The following LOC128462377 variants were observed in gnomAD, a reference collection of about 807,000 sequenced individuals.
the LOC128462377 span, among the ~76,000 whole-genome samples, chr16:89,371,760 T>G: frequency 6.6e-6 from 1 of 152,114 alleles, no homozygotes; most frequent in Non-Finnish European, 1.5e-5. Context: ...CCCCTCAGGA[T>G]GACGGAGAGG....
At chr16:89,405,425 G>A in the LOC128462377 span, among the ~76,000 whole-genome samples, 4 of 151,834 alleles carry the variant, frequency 2.6e-5, no homozygotes, top group Non-Finnish European at 5.9e-5. Context: ...CTGGGCTCAG[G>A]CGATCCTCCC....
chr16:89,369,441 G>A, the LOC128462377 span, among the ~76,000 whole-genome samples: 4 of 152,154 alleles, frequency 2.6e-5, no homozygotes, highest in Non-Finnish European at 5.9e-5. Flanking sequence ...GCGCCTCCAC[G>A]GCACCAAGCT....
the LOC128462377 span, among the ~76,000 whole-genome samples, chr16:89,397,336 T>A: frequency 2.0e-5 from 3 of 152,224 alleles, no homozygotes; most frequent in Non-Finnish European, 4.4e-5. Flanking sequence ...GATTCCACCG[T>A]AAGTGCTGTC....
the LOC128462377 span, among the ~76,000 whole-genome samples, chr16:89,387,260 G>C: frequency 2.0e-5 from 3 of 152,032 alleles, no homozygotes; most frequent in Non-Finnish European, 4.4e-5. Flanking sequence ...TCAAGGGAGA[G>C]GCCTGAATGG....
chr16:89,329,722 C>A, the LOC128462377 span, among the ~76,000 whole-genome samples: 1 of 152,194 alleles, frequency 6.6e-6, no homozygotes, highest in Admixed American at 6.5e-5. Flanking sequence ...TCATTTAAAA[C>A]ATTAAATATA....
chr16:89,320,509 AGCACCTGGCCCTGACCG>A, the LOC128462377 span, among the ~76,000 whole-genome samples: 27 of 152,208 alleles, frequency 1.8e-4, no homozygotes, highest in Non-Finnish European at 2.6e-4. Context: ...GGGGCCGGCC[AGCACCTGGCCCTGACCG>A]CCCCCAGGCC....
At chr16:89,321,001 T>A in the LOC128462377 span, 1 of 152,348 alleles carries the variant, frequency 6.6e-6, no homozygotes, top group South Asian at 2.1e-4. Context: ...TGACAGATGC[T>A]GTCAAGACCG....
At chr16:89,386,122 TAA>T in the LOC128462377 span, among the ~76,000 whole-genome samples, 1 of 152,218 alleles carries the variant, frequency 6.6e-6, no homozygotes, top group Admixed American at 6.5e-5. Flanking sequence ...CGTTTTTAAG[TAA>T]AGTCATTACA....
the LOC128462377 span, among the ~76,000 whole-genome samples, chr16:89,319,303 C>A: frequency 6.6e-6 from 1 of 152,228 alleles, no homozygotes; most frequent in Non-Finnish European, 1.5e-5. Context: ...CTCTTCATGT[C>A]CCTAGCTTGG....
At chr16:89,332,874 CT>C in the LOC128462377 span, among the ~76,000 whole-genome samples, 2 of 152,334 alleles carry the variant, frequency 1.3e-5, no homozygotes, top group East Asian at 3.9e-4. Flanking sequence ...TTTATTACTC[CT>C]TAGGGCTGCT....
At chr16:89,406,938 G>A in the LOC128462377 span, among the ~76,000 whole-genome samples, 1 of 152,214 alleles carries the variant, frequency 6.6e-6, no homozygotes, top group African/African-American at 2.4e-5. Flanking sequence ...CAGCACTTTG[G>A]GAGGCCAGGG....
At chr16:89,405,483 C>T in the LOC128462377 span, among the ~76,000 whole-genome samples, 2 of 151,244 alleles carry the variant, frequency 1.3e-5, no homozygotes, top group Non-Finnish European at 2.9e-5. Flanking sequence ...TGCCACCACA[C>T]CTGGCTCATT....
the LOC128462377 span, among the ~76,000 whole-genome samples, chr16:89,333,101 G>C: frequency 6.6e-6 from 1 of 152,218 alleles, no homozygotes; most frequent in African/African-American, 2.4e-5. Context: ...CCTGGTGTGA[G>C]GTCACAGACT....
chr16:89,397,915 C>T, the LOC128462377 span, among the ~76,000 whole-genome samples: 4 of 152,232 alleles, frequency 2.6e-5, no homozygotes, highest in East Asian at 3.9e-4. Flanking sequence ...GCAGGTGCCT[C>T]GGGTGGCAAC....
At chr16:89,361,979 G>C in the LOC128462377 span, among the ~76,000 whole-genome samples, 1 of 152,206 alleles carries the variant, frequency 6.6e-6, no homozygotes, top group Non-Finnish European at 1.5e-5. Flanking sequence ...CCAGGGGCTT[G>C]TGAGAGTGGC....
chr16:89,381,355 G>A, the LOC128462377 span, among the ~76,000 whole-genome samples: 1 of 25,480 alleles, frequency 3.9e-5, no homozygotes, highest in Admixed American at 3.5e-4. Flanking sequence ...AAAAAAAAAA[G>A]GGGTGAGAAG....
chr16:89,353,877 G>T, the LOC128462377 span, among the ~76,000 whole-genome samples: 18 of 152,214 alleles, frequency 1.2e-4, no homozygotes, highest in Admixed American at 1.2e-3. Flanking sequence ...ACAAGACAGA[G>T]CAGCCTCTGC....
chr16:89,321,386 G>A, the LOC128462377 span, among the ~76,000 whole-genome samples: 1 of 151,684 alleles, frequency 6.6e-6, no homozygotes, highest in African/African-American at 2.4e-5. Context: ...GGCAGGACTG[G>A]GGCTGCAGGG....
chr16:89,320,439 T>A, the LOC128462377 span: 2 of 152,196 alleles, frequency 1.3e-5, no homozygotes, highest in African/African-American at 4.8e-5. Context: ...CCACTGGGGC[T>A]GACTCACGCC....
Sources: allele counts gnomAD v4.1 joint callset (sites outside exome capture counted in the v4.1 genomes callset), GRCh38; gene constraint gnomAD v4.1.1; transcripts MANE v1.5.